Variants in GOLGA7B observed in about 807,000 individuals in gnomAD.
GOLGA7B encodes golgin A7 family member B, also known as golgin subfamily A member 7B.
GOLGA7B carries 17 observed loss-of-function variants against 21.5 expected under a neutral mutation model. The ratio of observed to expected loss-of-function variants is 0.79; its 90% CI spans 0.54 to 1.19. The LOEUF (loss-of-function observed/expected upper bound fraction) is 1.19. Among genes scored for constraint, GOLGA7B ranks in the 50% most tolerant of loss-of-function variants. The pLI is 0.00. For missense variants in GOLGA7B, 169 were observed against 224.4 expected (o/e 0.75, Z 1.58); for synonymous variants, 87 against 84.0 (o/e 1.04, Z -0.19).
chr10:97,863,833 C>T lies in GOLGA7B; in HGVS notation c.139-97C>T, dbSNP rs1564866898. On this transcript the variant is annotated intron_variant, in intron 2 of 4. Coordinates refer to ENST00000370602, the MANE Select transcript of GOLGA7B (RefSeq NM_001010917.3). ...GCCTGTGTGCCAATGTCATCTTCCC[C>T]ATCTACATGGCCCCACCATTGTCAC... 2.3e-6 allele frequency: 3 copies of T among 1,306,552 alleles called. No homozygotes were observed. The East Asian group carries it at 7.0e-5, about 30-fold the overall frequency. 80.9% of individuals were successfully genotyped at this position (1,306,552 alleles called of 1,614,324 possible). A position where few individuals can be genotyped will look rare whatever the true frequency, so the allele number is the denominator to read the frequency against.
chr10:97,863,791 G>C, intron 2 of GOLGA7B, 139 bp from the exon 3 acceptor site: 1 of 918,648 alleles, frequency 1.1e-6, no homozygotes. Context: ...GGCTCTGCCT[G>C]CAGCCTCTTT....
chr10:97,857,882 T>G (rs1486585245), intron 1 of GOLGA7B, among the ~76,000 whole-genome samples: 1 of 152,106 alleles, frequency 6.6e-6, no homozygotes, highest in Non-Finnish European at 1.5e-5. Context: ...TTTAACACAG[T>G]CTTTCCCCGG....
intron 1 of GOLGA7B, 91 bp from the exon 2 acceptor site, chr10:97,859,367 T>TGGAAGACCTGCATTCTGG (rs1212878102): frequency 7.5e-7 from 1 of 1,327,108 alleles, no homozygotes; most frequent in African/African-American, 1.4e-5. Context: ...GTGTTAGTGC[T>TGGAAGACCTGCATTCTGG]GGAAGACCTG....
At chr10:97,865,370 C>G in intron 4 of GOLGA7B, 1 of 711,840 alleles carries the variant, frequency 1.4e-6, no homozygotes, top group Non-Finnish European at 2.2e-6. Flanking sequence ...AGCTATGTGC[C>G]CAGCACAGGG....
chr10:97,853,505 C>A (rs576136705), intron 1 of GOLGA7B, among the ~76,000 whole-genome samples: 1 of 152,200 alleles, frequency 6.6e-6, no homozygotes, highest in Non-Finnish European at 1.5e-5. Context: ...CAGACTCCCC[C>A]TCCTTCTCAT....
rs2050080734 is a variant in GOLGA7B at position 97,870,491 on chromosome 10, G to A, written c.*4791G>A. The A allele has an allele frequency of 6.6e-6, 1 of 152,144 alleles. No homozygotes were observed. The highest frequency in any genetic ancestry group is 2.4e-5 in the African/African-American group (1 of 41,414). 9.4% of individuals were successfully genotyped at this position (152,144 alleles called of 1,614,324 possible). A position where few individuals can be genotyped will look rare whatever the true frequency, so the allele number is the denominator to read the frequency against. On this transcript the variant is annotated 3_prime_UTR_variant, in exon 5 of 5. Transcript: ENST00000370602. Reference sequence around the variant, plus strand: ...GACCTGGGGGGCTTCTGGGAGCTCAGGATGTTCTGTTTCTTGATCAGAGTG... The same window carrying A: ...GACCTGGGGGGCTTCTGGGAGCTCAAGATGTTCTGTTTCTTGATCAGAGTG...
rs2050068883 is a variant in GOLGA7B, at chr10:97,869,599, A to C, written c.*3899A>C. 6.6e-6 allele frequency: 1 copy of C among 152,330 alleles called. No individual in the cohort carries two copies. Among genetic ancestry groups the C allele is most frequent in the Non-Finnish European group, 1.5e-5 (1 of 68,110 alleles). The allele number at this position is 152,330 out of a possible 1,614,324, so 9.4% of individuals were successfully genotyped here. ...CCACAGGGCGGGTGTGTGTGAAACC[A>C]CAGGGTTTACAGAAGCTCGAGGTGC... On this transcript the variant is annotated 3_prime_UTR_variant, in exon 5 of 5. Coordinates refer to ENST00000370602, the MANE Select transcript of GOLGA7B (RefSeq NM_001010917.3).
chr10:97,853,582 G>T (rs116160216), intron 1 of GOLGA7B, among the ~76,000 whole-genome samples: 6,003 of 152,166 alleles, frequency 0.039, 135 homozygotes, highest in African/African-American at 0.051. Context: ...AATGCTTCTC[G>T]GCCCTGTCTT....
At chr10:97,859,653 T>G in intron 2 of GOLGA7B, 70 bp downstream of exon 2, 1 of 1,538,046 alleles carries the variant, frequency 6.5e-7, no homozygotes, top group Non-Finnish European at 8.9e-7. Flanking sequence ...TGGAATGTAT[T>G]TTATCCAGGA....
chr10:97,864,633 G>A (rs1435433459), intron 4 of GOLGA7B, among the ~76,000 whole-genome samples: 4 of 152,150 alleles, frequency 2.6e-5, no homozygotes, highest in African/African-American at 9.7e-5. Flanking sequence ...GCCAGGAATT[G>A]CACCCAGGCT....
Position 97,850,298 on chromosome 10 carries a change from C to T in GOLGA7B, c.-6C>T, listed in dbSNP as rs1262051570. 1 of 1,515,616 alleles carries T rather than the reference C, an allele frequency of 6.6e-7. No individual in the cohort carries two copies. The highest frequency in any genetic ancestry group is 1.2e-5 in the South Asian group (1 of 81,028). The allele number at this position is 1,515,616 out of a possible 1,614,324, so 93.9% of individuals were successfully genotyped here. A position where few individuals can be genotyped will look rare whatever the true frequency, so the allele number is the denominator to read the frequency against. ...CCCCGCGACAGCCTCCGAGCGCCCCCGGATCATGGCCACCGAGGTAGGGGC... is the reference window on the plus strand; with the variant it reads ...CCCCGCGACAGCCTCCGAGCGCCCCTGGATCATGGCCACCGAGGTAGGGGC... On this transcript the variant is annotated 5_prime_UTR_variant, in exon 1 of 5. Coordinates refer to ENST00000370602, the MANE Select transcript of GOLGA7B (RefSeq NM_001010917.3).
chr10:97,862,596 G>T (rs1239979172), intron 2 of GOLGA7B, among the ~76,000 whole-genome samples: 1 of 152,170 alleles, frequency 6.6e-6, no homozygotes, highest in Non-Finnish European at 1.5e-5. Flanking sequence ...TCATCTTCAT[G>T]TTGGGTAGGC....
intron 1 of GOLGA7B, among the ~76,000 whole-genome samples, chr10:97,851,077 G>C (rs992955304): frequency 2.6e-5 from 4 of 152,104 alleles, no homozygotes; most frequent in Admixed American, 6.5e-5. Flanking sequence ...CTCATTTCAG[G>C]AGGGAGATTG....
intron 1 of GOLGA7B, among the ~76,000 whole-genome samples, chr10:97,857,686 T>G (rs572784314): frequency 3.3e-5 from 5 of 151,968 alleles, no homozygotes; most frequent in Admixed American, 6.6e-5. Context: ...CAAAGAACAA[T>G]CCTATGCAAA....
intron 1 of GOLGA7B, among the ~76,000 whole-genome samples, chr10:97,857,610 A>G (rs1310836148): frequency 6.6e-6 from 1 of 152,250 alleles, no homozygotes. Flanking sequence ...TCACAGAATT[A>G]GAAAAAACAA....
chr10:97,865,654 G>A lies in GOLGA7B; in HGVS notation c.458G>A (p.Gly153Asp), dbSNP rs1166496220. ...SGSSSSGSSS[G>D]SGSSSGGGGG... ...AGCTCCAGCAGCGGCAGCAGCAGCG[G>A]CAGTGGCAGCAGCAGCGGTGGGGGT... The change falls in exon 5 of 5, where the codon GGC becomes GAC. Residue 153 changes from glycine to aspartate, a missense_variant. Transcript: ENST00000370602. The A allele has an allele frequency of 6.2e-7, 1 of 1,611,248 alleles. No individual in the cohort carries two copies. The highest frequency in any genetic ancestry group is 2.2e-5 in the East Asian group (1 of 44,742).
chr10:97,864,033 G>A lies in GOLGA7B; in HGVS notation c.242G>A (p.Cys81Tyr). 1.2e-6 allele frequency: 2 copies of A among 1,614,198 alleles called. No individual in the cohort carries two copies. The highest frequency in any genetic ancestry group is 1.7e-6 in the Non-Finnish European group (2 of 1,180,040). Reference protein sequence around the residue: ...GSSYLEGCLACATAYFIFLCM... With the variant: ...GSSYLEGCLAYATAYFIFLCM... ...TCCTACCTCGAGGGCTGCCTGGCCT[G>A]CGCCACGGCCTACTTCATCTTCCTC... The change falls in exon 3 of 5, where the codon TGC becomes TAC. Residue 81 changes from cysteine to tyrosine, a missense_variant. Transcript: ENST00000370602.
Position 97,850,421 on chromosome 10 carries a change from G to C in GOLGA7B, c.12+106G>C. ...GGAGGCGGGAGTTGGGGGTGGGATG[G>C]GGTGATTCCCCAGGTCAGGTCTGGA... On this transcript the variant is annotated intron_variant, in intron 1 of 4. Coordinates refer to ENST00000370602, the MANE Select transcript of GOLGA7B (RefSeq NM_001010917.3). The C allele has an allele frequency of 5.2e-6, 5 of 952,590 alleles. 1 individual carries two copies. In the South Asian group the frequency reaches 8.3e-5, roughly 16 times the overall value. 59.0% of individuals were successfully genotyped at this position (952,590 alleles called of 1,614,324 possible). A position where few individuals can be genotyped will look rare whatever the true frequency, so the allele number is the denominator to read the frequency against.
chr10:97,850,292 C>A lies in GOLGA7B; in HGVS notation c.-12C>A, dbSNP rs2049896783. 1 of 1,499,534 alleles carries A rather than the reference C, an allele frequency of 6.7e-7. No homozygotes were observed. Among genetic ancestry groups the A allele is most frequent in the Non-Finnish European group, 8.9e-7 (1 of 1,127,114 alleles). The allele number at this position is 1,499,534 out of a possible 1,614,324, so 92.9% of individuals were successfully genotyped here. Reference sequence around the variant, plus strand: ...GCCCGGCCCCGCGACAGCCTCCGAGCGCCCCCGGATCATGGCCACCGAGGT... The same window carrying A: ...GCCCGGCCCCGCGACAGCCTCCGAGAGCCCCCGGATCATGGCCACCGAGGT... On this transcript the variant is annotated 5_prime_UTR_variant, in exon 1 of 5. Transcript: ENST00000370602.
Sources: gnomAD v4.1 joint callset for allele counts (sites outside exome capture counted in the v4.1 genomes callset) on GRCh38, gnomAD v4.1.1 for gene constraint, MANE v1.5 for transcripts, NCBI Gene and HGNC (gene_info 2026-07-23, HGNC 2026-07-21) for gene names.